CA10: variants seen among roughly 807,000 people sequenced by gnomAD.
CA10 encodes carbonic anhydrase 10 (inactive).
A neutral mutation model predicts 44.2 loss-of-function variants in CA10; 14 were observed. The observed-to-expected ratio is 0.32, with a 90% CI of 0.21 to 0.50. CA10 has a LOEUF of 0.50. Among genes scored for constraint, CA10 ranks in the 20% least tolerant of loss-of-function variants. The probability of loss-of-function intolerance (pLI) is 0.99; values close to 1 mark genes in which losing one functional copy is unlikely to be tolerated. For missense variants in CA10, 350 were observed against 409.7 expected (o/e 0.85, Z 1.26); for synonymous variants, 159 against 141.6 (o/e 1.12, Z -0.87).
intron 3 of CA10, among the ~76,000 whole-genome samples, chr17:51,754,199 A>C (rs2143620843): frequency 6.6e-6 from 1 of 151,544 alleles, no homozygotes; most frequent in South Asian, 2.1e-4. Flanking sequence ...AGGTGGGTTG[A>C]GAGTGTAGGA....
intron 1 of CA10, among the ~76,000 whole-genome samples, chr17:52,143,808 GA>G (rs1042031578): frequency 6.6e-6 from 1 of 152,036 alleles, no homozygotes; most frequent in Non-Finnish European, 1.5e-5. Flanking sequence ...GAGCTTGGAG[GA>G]AAAAAATCCC....
At chr17:51,975,062 A>G (rs1018671656) in intron 2 of CA10, among the ~76,000 whole-genome samples, 4 of 152,162 alleles carry the variant, frequency 2.6e-5, no homozygotes, top group African/African-American at 4.8e-5. Flanking sequence ...TTGAAGAGAG[A>G]CTGCAGTAAG....
At position 51,630,704 on chromosome 17, in the gene CA10, A is replaced by T. The variant is rs1181073596; in HGVS notation, c.*880T>A. 1.3e-5 allele frequency: 2 copies of T among 152,592 alleles called. No homozygotes were observed. Among genetic ancestry groups the T allele is most frequent in the African/African-American group, 4.8e-5 (2 of 41,466 alleles). The allele number at this position is 152,592 out of a possible 1,614,324, so 9.5% of individuals were successfully genotyped here. A position where few individuals can be genotyped will look rare whatever the true frequency, so the allele number is the denominator to read the frequency against. Reference sequence around the variant, plus strand: ...GATGAAGGAACAAGTGAAATCAAAGAATGCAGTTGCATGGAGCCAGGGCTT... The same window carrying T: ...GATGAAGGAACAAGTGAAATCAAAGTATGCAGTTGCATGGAGCCAGGGCTT... On this transcript the variant is annotated 3_prime_UTR_variant, in exon 9 of 9. Transcript: ENST00000451037.
chr17:52,140,362 A>G (rs1989451224), intron 1 of CA10, among the ~76,000 whole-genome samples: 1 of 152,336 alleles, frequency 6.6e-6, no homozygotes, highest in Admixed American at 6.5e-5. Flanking sequence ...GCTCTGTTGC[A>G]GCTACTCAAC....
At chr17:52,106,782 A>G (rs1400051795) in intron 1 of CA10, among the ~76,000 whole-genome samples, 2 of 152,152 alleles carry the variant, frequency 1.3e-5, no homozygotes, top group Non-Finnish European at 2.9e-5. Flanking sequence ...TTATTTATTC[A>G]CTTCCATGCA....
At chr17:51,976,421 T>A (rs1984464100) in intron 2 of CA10, among the ~76,000 whole-genome samples, 1 of 152,146 alleles carries the variant, frequency 6.6e-6, no homozygotes, top group East Asian at 1.9e-4. Context: ...CTGGCCAAAC[T>A]GTCATACATT....
At chr17:51,847,843 T>G (rs1978565349) in intron 3 of CA10, among the ~76,000 whole-genome samples, 1 of 152,096 alleles carries the variant, frequency 6.6e-6, no homozygotes. Context: ...AACTCAGGAG[T>G]GTGTCCTGAG....
chr17:52,021,178 C>A (rs549460158), intron 2 of CA10, among the ~76,000 whole-genome samples: 1 of 151,942 alleles, frequency 6.6e-6, no homozygotes, highest in African/African-American at 2.4e-5. Flanking sequence ...AGAATTAAAG[C>A]GAATCACAGA....
intron 4 of CA10, among the ~76,000 whole-genome samples, chr17:51,672,855 C>T (rs976605643): frequency 6.6e-6 from 1 of 152,154 alleles, no homozygotes; most frequent in Non-Finnish European, 1.5e-5. Flanking sequence ...AGTCTTCTCC[C>T]GGAAAAGTTA....
At chr17:51,955,825 CA>C (rs1236638749) in intron 2 of CA10, among the ~76,000 whole-genome samples, 6 of 148,520 alleles carry the variant, frequency 4.0e-5, no homozygotes, top group South Asian at 4.2e-4. Flanking sequence ...CGGGGCCTAT[CA>C]GGGGGTAGGG....
At chr17:51,643,586 A>C (rs1372229932) in intron 6 of CA10, among the ~76,000 whole-genome samples, 1 of 152,168 alleles carries the variant, frequency 6.6e-6, no homozygotes, top group Non-Finnish European at 1.5e-5. Flanking sequence ...GCTTGCAAGG[A>C]AAGTAAAGTA....
At chr17:52,151,247 C>T (rs1810336821) in intron 1 of CA10, among the ~76,000 whole-genome samples, 2 of 152,046 alleles carry the variant, frequency 1.3e-5, no homozygotes, top group Admixed American at 6.6e-5. Context: ...TATATCCAGT[C>T]GTTTAGTCTA....
chr17:52,156,038 G>A (rs957584272), intron 1 of CA10, among the ~76,000 whole-genome samples: 9 of 152,302 alleles, frequency 5.9e-5, no homozygotes, highest in Admixed American at 4.6e-4. Context: ...GGACAGAGAG[G>A]ATGCTGGAGG....
chr17:51,922,625 C>A (rs749278569), intron 3 of CA10, among the ~76,000 whole-genome samples: 2 of 152,152 alleles, frequency 1.3e-5, no homozygotes, highest in Non-Finnish European at 2.9e-5. Context: ...ACTTCGATAT[C>A]TTTAGCTCCT....
At chr17:51,869,093 T>C (rs1979689082) in intron 3 of CA10, among the ~76,000 whole-genome samples, 1 of 152,060 alleles carries the variant, frequency 6.6e-6, no homozygotes, top group South Asian at 2.1e-4. Context: ...ATAATTTTTA[T>C]ATATAAATTA....
intron 2 of CA10, among the ~76,000 whole-genome samples, chr17:51,986,262 C>A (rs1284274418): frequency 6.6e-6 from 1 of 151,904 alleles, no homozygotes; most frequent in Non-Finnish European, 1.5e-5. Flanking sequence ...AGAAAGAACA[C>A]CCTATTCAAC....
intron 2 of CA10, among the ~76,000 whole-genome samples, chr17:52,018,346 G>A (rs183700293): frequency 4.7e-4 from 71 of 152,234 alleles, no homozygotes; most frequent in African/African-American, 1.4e-3. Flanking sequence ...GAGAGCAGCC[G>A]TGGGGGCTGT....
chr17:51,895,654 T>C (rs1159138641), intron 3 of CA10, among the ~76,000 whole-genome samples: 1 of 151,976 alleles, frequency 6.6e-6, no homozygotes, highest in Non-Finnish European at 1.5e-5. Flanking sequence ...AAGTAAAAAA[T>C]TAACAATCTG....
intron 3 of CA10, among the ~76,000 whole-genome samples, chr17:51,908,361 C>T (rs1273788105): frequency 1.3e-5 from 2 of 152,154 alleles, no homozygotes; most frequent in African/African-American, 2.4e-5. Flanking sequence ...TCCATCTGAA[C>T]TTTGCATTTC....
Sources: gnomAD v4.1 joint callset for allele counts (sites outside exome capture counted in the v4.1 genomes callset) on GRCh38, gnomAD v4.1.1 for gene constraint, MANE v1.5 for transcripts, NCBI Gene and HGNC (gene_info 2026-07-23, HGNC 2026-07-21) for gene names.